Variants in SCHIP1 observed in about 807,000 individuals in gnomAD.
SCHIP1 encodes the protein schwannomin interacting protein 1, also known as schwannomin-interacting protein 1.
SCHIP1 carries 8 observed loss-of-function variants against 29.7 expected under a neutral mutation model. The observed-to-expected ratio is 0.27, with a 90% CI of 0.16 to 0.49. The LOEUF (loss-of-function observed/expected upper bound fraction) is 0.49, where lower values mean the gene tolerates loss of function less well. Among genes scored for constraint, SCHIP1 ranks in the 20% least tolerant of loss-of-function variants. The pLI is 0.99. For missense variants in SCHIP1, 193 were observed against 294.6 expected (o/e 0.66, Z 2.52); for synonymous variants, 76 against 94.9 (o/e 0.80, Z 1.16).
At chr3:159,468,774 TATA>T in the SCHIP1 span, among the ~76,000 whole-genome samples, 2 of 127,650 alleles carry the variant, frequency 1.6e-5, no homozygotes, top group East Asian at 2.2e-4. Context: ...TATATATATA[TATA>T]TTTTTTTTAG....
the SCHIP1 span, among the ~76,000 whole-genome samples, chr3:159,728,367 A>T: frequency 6.6e-6 from 1 of 152,132 alleles, no homozygotes; most frequent in Non-Finnish European, 1.5e-5. Context: ...CTGAAGGAGG[A>T]TGGAGAATGA....
the SCHIP1 span, among the ~76,000 whole-genome samples, chr3:159,436,546 C>T: frequency 6.6e-6 from 1 of 152,088 alleles, no homozygotes; most frequent in African/African-American, 2.4e-5. Context: ...TCTTCTTTTT[C>T]CAAATACTAA....
the SCHIP1 span, among the ~76,000 whole-genome samples, chr3:159,400,941 T>C: frequency 1.3e-5 from 2 of 152,198 alleles, no homozygotes; most frequent in Admixed American, 6.5e-5. Flanking sequence ...TCTGTAAAGC[T>C]CAGTGGCCTC....
chr3:159,388,623 A>G, the SCHIP1 span, among the ~76,000 whole-genome samples: 7 of 152,256 alleles, frequency 4.6e-5, no homozygotes, highest in East Asian at 1.3e-3. Context: ...AAAATGTGAA[A>G]AAGAGGAACA....
chr3:159,698,502 C>T, the SCHIP1 span, among the ~76,000 whole-genome samples: 352 of 152,328 alleles, frequency 2.3e-3, 1 homozygote, highest in African/African-American at 7.5e-3. Flanking sequence ...AGAAAACATC[C>T]TGGCCAAAGG....
the SCHIP1 span, among the ~76,000 whole-genome samples, chr3:159,573,944 T>C: frequency 2.0e-5 from 3 of 152,248 alleles, no homozygotes; most frequent in African/African-American, 7.2e-5. Context: ...TCTCGTGCCA[T>C]GGTTTTCAGC....
the SCHIP1 span, among the ~76,000 whole-genome samples, chr3:159,729,249 C>T: frequency 2.0e-5 from 3 of 152,064 alleles, no homozygotes; most frequent in Admixed American, 6.5e-5. Context: ...AAAAAATTAC[C>T]TATTTTTTCC....
At chr3:159,306,257 G>A in the SCHIP1 span, among the ~76,000 whole-genome samples, 10 of 152,198 alleles carry the variant, frequency 6.6e-5, no homozygotes, top group Non-Finnish European at 1.3e-4. Flanking sequence ...TTGATTAGTA[G>A]TGTTTGCCAA....
At chr3:159,310,915 A>G in the SCHIP1 span, among the ~76,000 whole-genome samples, 1 of 152,112 alleles carries the variant, frequency 6.6e-6, no homozygotes, top group Non-Finnish European at 1.5e-5. Context: ...TGAAATAGAG[A>G]TATGATCCAT....
the SCHIP1 span, among the ~76,000 whole-genome samples, chr3:159,355,312 C>G: frequency 2.6e-5 from 4 of 152,088 alleles, no homozygotes; most frequent in African/African-American, 9.7e-5. Flanking sequence ...AATGTACTCC[C>G]TGAAAGTCTG....
the SCHIP1 span, among the ~76,000 whole-genome samples, chr3:159,669,062 G>A: frequency 1.3e-5 from 2 of 152,306 alleles, no homozygotes; most frequent in East Asian, 3.9e-4. Flanking sequence ...GCTGCATGGG[G>A]TGTTTAGGAG....
chr3:159,665,203 A>T, the SCHIP1 span, among the ~76,000 whole-genome samples: 1 of 152,240 alleles, frequency 6.6e-6, no homozygotes, highest in African/African-American at 2.4e-5. Flanking sequence ...AAAGTTTCAT[A>T]ATCTGTAACG....
the SCHIP1 span, among the ~76,000 whole-genome samples, chr3:159,503,921 A>C: frequency 1.3e-5 from 2 of 152,226 alleles, no homozygotes; most frequent in African/African-American, 4.8e-5. Context: ...CTAGATAGAG[A>C]ACTGTGAAAG....
chr3:159,498,269 T>G, the SCHIP1 span, among the ~76,000 whole-genome samples: 1 of 152,228 alleles, frequency 6.6e-6, no homozygotes, highest in Admixed American at 6.5e-5. Flanking sequence ...GGAAGTAAAC[T>G]CATTTCTATC....
chr3:159,828,366 TATATATATAC>T, the SCHIP1 span, among the ~76,000 whole-genome samples: 17 of 117,540 alleles, frequency 1.4e-4, no homozygotes, highest in East Asian at 1.4e-3. Flanking sequence ...AACCTTTATA[TATATATATAC>T]ATATATATAT....
chr3:159,479,551 A>T, the SCHIP1 span, among the ~76,000 whole-genome samples: 1 of 152,326 alleles, frequency 6.6e-6, no homozygotes, highest in Non-Finnish European at 1.5e-5. Context: ...TTAGCTTCTA[A>T]ATAACAAACA....
the SCHIP1 span, among the ~76,000 whole-genome samples, chr3:159,695,978 C>A: frequency 1.3e-5 from 2 of 152,084 alleles, no homozygotes; most frequent in African/African-American, 4.8e-5. Flanking sequence ...CCTACCGCAC[C>A]CCCCACCACC....
chr3:159,706,676 C>T, the SCHIP1 span, among the ~76,000 whole-genome samples: 1 of 152,136 alleles, frequency 6.6e-6, no homozygotes, highest in Non-Finnish European at 1.5e-5. Context: ...TGAAGTCTTT[C>T]ATGAGTTGTA....
the SCHIP1 span, among the ~76,000 whole-genome samples, chr3:159,364,465 G>T: frequency 6.6e-6 from 1 of 152,116 alleles, no homozygotes; most frequent in Admixed American, 6.5e-5. Context: ...TCTGCTTCTT[G>T]CATGTCAAAA....
Sources: allele counts gnomAD v4.1 joint callset (sites outside exome capture counted in the v4.1 genomes callset), GRCh38; gene constraint gnomAD v4.1.1; transcripts MANE v1.5; gene names NCBI Gene and HGNC (gene_info 2026-07-23, HGNC 2026-07-21).